Variants in ATR observed in about 807,000 individuals in gnomAD.
ATR encodes serine/threonine-protein kinase ATR.
In ATR, 142 loss-of-function variants were observed where a neutral mutation model predicts 305.3. That is an observed-to-expected ratio of 0.47 (90% CI 0.41 to 0.53). The LOEUF is 0.53. Ranked by LOEUF, ATR falls within the 20% of genes least tolerant of loss-of-function variation. The pLI, the probability that ATR is intolerant of heterozygous loss-of-function variation, is 0.00. For synonymous variants in ATR, 1,050 were observed against 1,068.1 expected (o/e 0.98, Z 0.33); for missense variants, 2,135 against 3,133.1 (o/e 0.68, Z 7.60).
At chr3:142,459,940 T>A (rs915562504) in intron 42 of ATR, among the ~76,000 whole-genome samples, 2 of 152,226 alleles carry the variant, frequency 1.3e-5, no homozygotes, top group African/African-American at 4.8e-5. Context: ...ATTTTGCATA[T>A]ATGTGTACAT....
At chr3:142,502,665 A>G (rs1029015900) in intron 30 of ATR, among the ~76,000 whole-genome samples, 2 of 152,206 alleles carry the variant, frequency 1.3e-5, no homozygotes, top group African/African-American at 4.8e-5. Context: ...AGAGTAGTCC[A>G]AAAACAGTGG....
chr3:142,467,964 T>G lies in ATR; in HGVS notation c.6657A>C (p.Thr2219=). Reference sequence around the variant, plus strand: ...TATTGCACAATTCTAGAAGCTTATCTGTTAGGCGAGTTGCATCTCCAACAA... The same window carrying G: ...TATTGCACAATTCTAGAAGCTTATCGGTTAGGCGAGTTGCATCTCCAACAA... The part of the protein sequence containing the change: ...EKFVGDATRL[T]DKLLELCNKP... The change falls in exon 39 of 47, where the codon ACA becomes ACC. Residue 2219 remains threonine, a synonymous_variant. Coordinates refer to ENST00000350721, the MANE Select transcript of ATR (RefSeq NM_001184.4). 1 of 1,613,106 alleles carries G rather than the reference T, an allele frequency of 6.2e-7. No homozygotes were observed. Among genetic ancestry groups the G allele is most frequent in the Middle Eastern group, 1.7e-4 (1 of 6,048 alleles).
At chr3:142,547,476 T>A (rs1316698627) in intron 16 of ATR, among the ~76,000 whole-genome samples, 1 of 152,212 alleles carries the variant, frequency 6.6e-6, no homozygotes, top group African/African-American at 2.4e-5. Context: ...GTTAATGCCC[T>A]AAATATGTAA....
In ATR at chr3:142,451,919, A is replaced by G. The variant is rs1483500320; in HGVS notation, c.7761+1209T>C. The G allele has an allele frequency of 1.4e-5, 18 of 1,282,494 alleles. No individual in the cohort carries two copies. In the South Asian group the frequency reaches 2.3e-4, roughly 16 times the overall value. 79.4% of individuals were successfully genotyped at this position (1,282,494 alleles called of 1,614,324 possible). A position where few individuals can be genotyped will look rare whatever the true frequency, so the allele number is the denominator to read the frequency against. On this transcript the variant is annotated intron_variant, in intron 46 of 46. Transcript: ENST00000350721. Reference sequence around the variant, plus strand: ...TGGTCAGATATTGGAATCCCTCAGTAAAAGGTATCCAGTACAAGCCAAGTA... The same window carrying G: ...TGGTCAGATATTGGAATCCCTCAGTGAAAGGTATCCAGTACAAGCCAAGTA...
intron 1 of ATR, among the ~76,000 whole-genome samples, chr3:142,574,593 T>C (rs1170595149): frequency 6.6e-6 from 1 of 152,174 alleles, no homozygotes; most frequent in African/African-American, 2.4e-5. Flanking sequence ...TGAGTATTAA[T>C]GTAAGTATTA....
At position 142,451,959 on chromosome 3, in the gene ATR, CGAAAA is replaced by C. The variant is rs1215851035; in HGVS notation, c.7761+1164_7761+1168del. 17 of 1,132,022 alleles carry C rather than the reference CGAAAA, an allele frequency of 1.5e-5. No homozygotes were observed. In the African/African-American group the frequency reaches 2.8e-4, roughly 18 times the overall value. 70.1% of individuals were successfully genotyped at this position (1,132,022 alleles called of 1,614,324 possible). A position where few individuals can be genotyped will look rare whatever the true frequency, so the allele number is the denominator to read the frequency against. ...CAAGCCAAGTATATCTATCACTTAA[CGAAAA>C]GGAACATGTCCCAGAGACCATCTGC... On this transcript the variant is annotated intron_variant, in intron 46 of 46. Coordinates refer to ENST00000350721, the MANE Select transcript of ATR (RefSeq NM_001184.4).
intron 1 of ATR, among the ~76,000 whole-genome samples, chr3:142,571,256 A>G (rs1428577297): frequency 6.6e-6 from 1 of 152,156 alleles, no homozygotes; most frequent in South Asian, 2.1e-4. Flanking sequence ...TCATGAGGTC[A>G]GTAGATCTAA....
At chr3:142,558,959 TA>T in intron 7 of ATR, 183 bp from the exon 8 acceptor site, 2 of 665,044 alleles carry the variant, frequency 3.0e-6, no homozygotes, top group Non-Finnish European at 4.9e-6. Flanking sequence ...TGTGACTTTA[TA>T]AAAACATGTT....
chr3:142,475,795 T>C (rs1326574002), intron 36 of ATR, among the ~76,000 whole-genome samples: 1 of 152,170 alleles, frequency 6.6e-6, no homozygotes. Flanking sequence ...CCATTCTAAC[T>C]GGTGTGAGAT....
intron 12 of ATR, 29 bp from the exon 13 acceptor site, chr3:142,553,427 TACACAAACACACACAC>T: frequency 6.4e-7 from 1 of 1,572,088 alleles, no homozygotes; most frequent in Non-Finnish European, 8.7e-7. Context: ...TACATATGAA[TACACAAACACACACAC>T]ACACACACAC....
rs755576150 is a variant in ATR, at chr3:142,507,969, T to G, written c.4993A>C (p.Lys1665Gln). The G allele has an allele frequency of 1.9e-6, 3 of 1,613,470 alleles. No homozygotes were observed. In the South Asian group the frequency reaches 3.3e-5, roughly 18 times the overall value. ...VMHFESFITE[K>Q]KQNIQEHLGF... ...AGATGTTCCTGAATATTTTGCTTCT[T>G]TTCTGTAATAAATGATTCAAAGTGC... The change falls in exon 28 of 47, where the codon AAG becomes CAG. Residue 1665 changes from lysine (K) to glutamine (Q), a missense_variant. Transcript: ENST00000350721.
chr3:142,536,540 G>A (rs764836551), intron 19 of ATR, among the ~76,000 whole-genome samples: 1 of 152,106 alleles, frequency 6.6e-6, no homozygotes, highest in Admixed American at 6.6e-5. Context: ...TGCCAATTTG[G>A]GGCCTGTTAA....
At chr3:142,520,909 T>C (rs538781049) in intron 23 of ATR, among the ~76,000 whole-genome samples, 52 of 152,172 alleles carry the variant, frequency 3.4e-4, no homozygotes, top group African/African-American at 1.2e-3. Flanking sequence ...TCCAGGACTT[T>C]CACAGCTAGA....
intron 24 of ATR, among the ~76,000 whole-genome samples, chr3:142,519,455 C>T (rs2033048487): frequency 6.6e-6 from 1 of 152,012 alleles, no homozygotes; most frequent in Admixed American, 6.5e-5. Context: ...ATGTGCACCA[C>T]CACGCCCGGC....
Position 142,560,287 on chromosome 3 carries a change from T to C in ATR, c.1517A>G (p.His506Arg), listed in dbSNP as rs771539192. The C allele has an allele frequency of 4.0e-5, 65 of 1,613,794 alleles. No homozygotes were observed. Among genetic ancestry groups the C allele is most frequent in the Non-Finnish European group, 5.3e-5 (62 of 1,179,900 alleles). Residue 506 changes from histidine (H) to arginine (R), a missense_variant, in exon 6 of 47, where the codon CAT becomes CGT. By Grantham distance (29) the His-to-Arg change is conservative. Transcript: ENST00000350721. ...CCAGTTCATGTTTTGATGAGAACAA[T>C]GAACAGTACACAGAGCAGTCAGTTG... ...VLQLTALCTV[H>R]CSHQNMNCRT...
At chr3:142,463,398 T>A (rs1258053077) in intron 41 of ATR, among the ~76,000 whole-genome samples, 1 of 152,146 alleles carries the variant, frequency 6.6e-6, no homozygotes, top group African/African-American at 2.4e-5. Context: ...AAACAATACT[T>A]TTTTGTTGTT....
chr3:142,479,455 C>A (rs973041754), intron 36 of ATR, among the ~76,000 whole-genome samples: 1 of 152,186 alleles, frequency 6.6e-6, no homozygotes, highest in Non-Finnish European at 1.5e-5. Flanking sequence ...GCCGAGAGAT[C>A]AGCTGTTAGT....
chr3:142,573,030 C>T (rs1411291217), intron 1 of ATR, among the ~76,000 whole-genome samples: 3 of 152,184 alleles, frequency 2.0e-5, no homozygotes, highest in Non-Finnish European at 4.4e-5. Flanking sequence ...AGACCGTAAG[C>T]TCTTATAGGA....
rs1489808838 is a variant in ATR, at chr3:142,555,913, G to A, written c.2305C>T (p.Leu769=). Residue 769 remains leucine (L), a synonymous_variant, in exon 10 of 47, where the codon CTA becomes TTA. Coordinates refer to ENST00000350721, the MANE Select transcript of ATR (RefSeq NM_001184.4). ...GGACTAGGTATTTTTTTTTTCAGTA[G>A]GAAAAGGAATGGCTTGCAGACAGAA... ...KASVCKPFLF[L]LKKKIPSPVK... 6.2e-7 allele frequency: 1 copy of A among 1,604,166 alleles called. No homozygotes were observed. Among genetic ancestry groups the A allele is most frequent in the Non-Finnish European group, 8.5e-7 (1 of 1,177,324 alleles).
Sources: gnomAD v4.1 joint callset for allele counts (sites outside exome capture counted in the v4.1 genomes callset) on GRCh38, gnomAD v4.1.1 for gene constraint, MANE v1.5 for transcripts, NCBI Gene and HGNC (gene_info 2026-07-23, HGNC 2026-07-21) for gene names.